ADSS1: variants seen among roughly 807,000 people sequenced by gnomAD.
ADSS1 encodes adenylosuccinate synthetase isozyme 1.
ADSS1 carries 57 observed loss-of-function variants against 59.1 expected under a neutral mutation model. That is an observed-to-expected ratio of 0.97 (90% confidence interval 0.78 to 1.20). ADSS1 has a LOEUF of 1.20. Ranked by LOEUF, ADSS1 falls within the 50% of genes most tolerant of loss-of-function variation. The pLI, the probability that ADSS1 is intolerant of heterozygous loss-of-function variation, is 0.00. For synonymous variants in ADSS1, 247 were observed against 249.4 expected (o/e 0.99, Z 0.09); for missense variants, 603 against 610.3 (o/e 0.99, Z 0.13).
chr14:104,735,692 TGGG>T (rs1013287215), intron 2 of ADSS1, among the ~76,000 whole-genome samples: 3 of 152,102 alleles, frequency 2.0e-5, no homozygotes, highest in African/African-American at 7.2e-5. Context: ...TGCCCCCTCC[TGGG>T]TCCGGACACA....
In ADSS1 at chr14:104,743,065, A is replaced by G. The variant is rs946575582; in HGVS notation, c.949-2A>G. Reference sequence around the variant, plus strand: ...CATGACGTCCTCCCTGTTCTCATGTAGGAGATTGGAGGCCTGCTGCAGACC... The same window carrying G: ...CATGACGTCCTCCCTGTTCTCATGTGGGAGATTGGAGGCCTGCTGCAGACC... On this transcript the variant is annotated splice_acceptor_variant, in intron 9 of 12. Coordinates refer to ENST00000330877, the MANE Select transcript of ADSS1 (RefSeq NM_152328.5). LOFTEE classifies it high-confidence loss of function. 5 of 1,612,760 alleles carry G rather than the reference A, an allele frequency of 3.1e-6. No homozygotes were observed. Among genetic ancestry groups the G allele is most frequent in the Non-Finnish European group, 4.2e-6 (5 of 1,179,954 alleles).
intron 11 of ADSS1, 154 bp from the exon 12 acceptor site, chr14:104,746,082 A>AC (rs1891544279): frequency 2.1e-6 from 2 of 951,456 alleles, no homozygotes; most frequent in African/African-American, 1.7e-5. Context: ...CACTGAGAAA[A>AC]TCAAACTGGG....
chr14:104,732,220 A>G (rs1038898978), intron 1 of ADSS1, among the ~76,000 whole-genome samples: 1 of 152,186 alleles, frequency 6.6e-6, no homozygotes, highest in Non-Finnish European at 1.5e-5. Flanking sequence ...GCCTTTGTGC[A>G]GAGCCCCAGC....
chr14:104,726,248 G>A (rs994087330), intron 1 of ADSS1, among the ~76,000 whole-genome samples: 7 of 152,250 alleles, frequency 4.6e-5, no homozygotes, highest in African/African-American at 1.7e-4. Flanking sequence ...CTCCTTCACA[G>A]GGGAACAGAG....
Position 104,744,896 on chromosome 14 carries a change from T to TC in ADSS1, c.1161dup (p.Tyr388LeufsTer5), listed in dbSNP as rs1355291846. 6.2e-7 allele frequency: 1 copy of TC among 1,613,904 alleles called. No homozygotes were observed. Among genetic ancestry groups the TC allele is most frequent in the African/African-American group, 1.3e-5 (1 of 74,928 alleles). ...CATACAAGCTGAACGGGAAAAGGATTCCCTATTTCCCAGGTATGTGAAGTG... is the reference window on the plus strand; with the variant it reads ...CATACAAGCTGAACGGGAAAAGGATTCCCCTATTTCCCAGGTATGTGAAGTG... On this transcript the variant is annotated frameshift_variant, in exon 11 of 13. Transcript: ENST00000330877. LOFTEE classifies it high-confidence loss of function.
At chr14:104,724,759 G>T (rs1052439195) in intron 1 of ADSS1, among the ~76,000 whole-genome samples, 1 of 152,118 alleles carries the variant, frequency 6.6e-6, no homozygotes, top group Non-Finnish European at 1.5e-5. Flanking sequence ...TCCTTAGGGG[G>T]TGGCGCATGC....
intron 1 of ADSS1, among the ~76,000 whole-genome samples, chr14:104,734,490 C>T (rs1891045384): frequency 6.6e-6 from 1 of 152,214 alleles, no homozygotes; most frequent in Non-Finnish European, 1.5e-5. Context: ...CCCAGGCCCT[C>T]TCCCCACCAT....
intron 1 of ADSS1, among the ~76,000 whole-genome samples, chr14:104,731,877 C>T (rs1396989756): frequency 6.6e-6 from 1 of 152,176 alleles, no homozygotes; most frequent in Non-Finnish European, 1.5e-5. Flanking sequence ...CCTGAGGGGC[C>T]CCCTGCAGCA....
intron 2 of ADSS1, 48 bp from the exon 3 acceptor site, chr14:104,738,328 A>G: frequency 2.5e-6 from 4 of 1,599,442 alleles, no homozygotes; most frequent in Non-Finnish European, 3.4e-6. Context: ...TATGTTTTCC[A>G]GTGTCTGGGA....
intron 2 of ADSS1, among the ~76,000 whole-genome samples, chr14:104,736,913 T>TATATATATATATATATAG (rs1891155668): frequency 4.2e-5 from 6 of 141,990 alleles, no homozygotes; most frequent in Non-Finnish European, 1.5e-5. Context: ...TATATATATA[T>TATATATATATATATATAG]GCATTTTTTT....
intron 2 of ADSS1, among the ~76,000 whole-genome samples, chr14:104,736,476 CGT>C (rs1213053628): frequency 6.6e-5 from 10 of 152,232 alleles, no homozygotes; most frequent in Non-Finnish European, 1.3e-4. Flanking sequence ...GCCTCTGCCG[CGT>C]GTTTATTTCA....
At chr14:104,741,353 C>T (rs1891348619) in intron 8 of ADSS1, 110 bp downstream of exon 8, 1 of 1,415,692 alleles carries the variant, frequency 7.1e-7, no homozygotes, top group Non-Finnish European at 9.4e-7. Flanking sequence ...ACCCGCTTTC[C>T]AAGGCCACAG....
Position 104,740,831 on chromosome 14 carries a change from T to C in ADSS1, c.585-8T>C, listed in dbSNP as rs1299905787. ...GACAGGGGGTGATGATGACTGTCCC[T>C]TGTGCAGATTCAAGAACCTGGCCCA... On this transcript the variant is annotated splice_region_variant and splice_polypyrimidine_tract_variant and intron_variant, in intron 6 of 12. Coordinates refer to ENST00000330877, the MANE Select transcript of ADSS1 (RefSeq NM_152328.5). The surrounding 1 kb of genome is among the most constrained non-coding windows in gnomAD (Gnocchi z 4.8). 12 of 1,613,742 alleles carry C rather than the reference T, an allele frequency of 7.4e-6. No individual in the cohort carries two copies. The highest frequency in any genetic ancestry group is 1.0e-5 in the Non-Finnish European group (12 of 1,179,982).
At chr14:104,742,938 ACTGT>A in intron 9 of ADSS1, 125 bp from the exon 10 acceptor site, 1 of 1,355,020 alleles carries the variant, frequency 7.4e-7, no homozygotes, top group South Asian at 1.3e-5. Context: ...GGATGTAAGG[ACTGT>A]CGGTGGAGGC....
At chr14:104,726,319 C>A (rs375572642) in intron 1 of ADSS1, among the ~76,000 whole-genome samples, 1 of 152,252 alleles carries the variant, frequency 6.6e-6, no homozygotes, top group East Asian at 1.9e-4. Context: ...GCCACGTGCC[C>A]ACCATGATAG....
intron 1 of ADSS1, 120 bp downstream of exon 1, chr14:104,724,582 C>T: frequency 1.6e-6 from 2 of 1,215,514 alleles, no homozygotes. Flanking sequence ...TGCCTTCCTT[C>T]CGGGAGCACC....
In ADSS1 at chr14:104,741,263, CGT is replaced by C; in HGVS notation, c.793+22_793+23del. ...ACTTCGGTATGTCCGGGAGGGTGTG[CGT>C]GCCAACGACCTTTCGTGCCTGCCAG... is the stretch of plus-strand genomic sequence containing the variant. On this transcript the variant is annotated intron_variant, in intron 8 of 12. Coordinates refer to ENST00000330877, the MANE Select transcript of ADSS1 (RefSeq NM_152328.5). 1 of 1,537,920 alleles carries C rather than the reference CGT, an allele frequency of 6.5e-7. No homozygotes were observed. Among genetic ancestry groups the C allele is most frequent in the South Asian group, 1.3e-5 (1 of 79,268 alleles).
intron 1 of ADSS1, among the ~76,000 whole-genome samples, chr14:104,727,291 A>G (rs1345767113): frequency 2.0e-5 from 3 of 151,920 alleles, no homozygotes; most frequent in Admixed American, 2.0e-4. Context: ...CTCCAGGCTG[A>G]GCCTACATTT....
chr14:104,728,948 G>T (rs955970331), intron 1 of ADSS1, among the ~76,000 whole-genome samples: 4 of 152,218 alleles, frequency 2.6e-5, no homozygotes, highest in Admixed American at 2.6e-4. Flanking sequence ...GGGCCGAGGG[G>T]GAAGCGGGCA....
Sources: allele counts gnomAD v4.1 joint callset (sites outside exome capture counted in the v4.1 genomes callset), GRCh38; gene constraint gnomAD v4.1.1; non-coding constraint Gnocchi (gnomAD v3.1); transcripts MANE v1.5; gene names NCBI Gene and HGNC (gene_info 2026-07-23, HGNC 2026-07-21).